KIF13A: variants seen among roughly 807,000 people sequenced by gnomAD.
KIF13A encodes kinesin family member 13A.
Under a neutral mutation model 212.2 loss-of-function variants are expected in KIF13A, and 79 were observed. The observed-to-expected ratio is 0.37, with a 90% confidence interval of 0.31 to 0.45. The LOEUF is 0.45. Ranked by LOEUF, KIF13A falls within the 20% of genes least tolerant of loss-of-function variation. The pLI is 1.00. For missense variants in KIF13A, 1,901 were observed against 2,209.0 expected (o/e 0.86, Z 2.79); for synonymous variants, 789 against 808.6 (o/e 0.98, Z 0.41).
chr6:17,962,523 A>G (rs1229468114), intron 2 of KIF13A, among the ~76,000 whole-genome samples: 1 of 151,914 alleles, frequency 6.6e-6, no homozygotes, highest in Non-Finnish European at 1.5e-5. Context: ...ACAGCCAGGA[A>G]GAGGCAGCAG....
chr6:17,943,601 A>G (rs897787100), intron 2 of KIF13A, among the ~76,000 whole-genome samples: 1 of 152,086 alleles, frequency 6.6e-6, no homozygotes, highest in African/African-American at 2.4e-5. Context: ...CATTTTTAAC[A>G]GGTTTCAAGA....
At position 17,871,126 on chromosome 6, in the gene KIF13A, C is replaced by CTA. The variant is rs1276325239; in HGVS notation, c.220+2249_220+2250dup. On this transcript the variant is annotated intron_variant, in intron 4 of 38. Coordinates refer to ENST00000259711, the MANE Select transcript of KIF13A (RefSeq NM_022113.6). The surrounding 1 kb of genome is among the most constrained non-coding windows in gnomAD (Gnocchi z 4.4). ...TTCTAGGCTTCCCTTTGACTAAACT[C>CTA]TAAACAACTCATATGTTGACAAGTA... is the stretch of plus-strand genomic sequence containing the variant. Among the ~76,000 whole-genome samples the CTA allele has an allele frequency of 1.1e-4, 16 of 152,264 alleles. No homozygotes were observed. In the East Asian group the frequency reaches 2.1e-3, roughly 20 times the overall value.
chr6:17,821,470 C>T (rs565443031), intron 16 of KIF13A, among the ~76,000 whole-genome samples: 2 of 151,728 alleles, frequency 1.3e-5, no homozygotes, highest in South Asian at 2.1e-4. Flanking sequence ...ACCAATAATA[C>T]TTTTCAGTGC....
At position 17,849,584 on chromosome 6, in the gene KIF13A, C is replaced by A; in HGVS notation, c.718-95G>T. The A allele has an allele frequency of 1.3e-6, 1 of 788,846 alleles. No individual in the cohort carries two copies. 48.9% of individuals were successfully genotyped at this position (788,846 alleles called of 1,614,324 possible). On this transcript the variant is annotated intron_variant, in intron 8 of 38. Transcript: ENST00000259711. The surrounding 1 kb of genome is among the most constrained non-coding windows in gnomAD (Gnocchi z 5.7). ...TTAGCACTATAATTGAGCAATCCAT[C>A]CCACTCTCATATGGCAAATTTCTTA...
chr6:17,894,990 C>G (rs2150477251), intron 3 of KIF13A, among the ~76,000 whole-genome samples: 1 of 152,272 alleles, frequency 6.6e-6, no homozygotes, highest in African/African-American at 2.4e-5. Flanking sequence ...ACTGGACCAG[C>G]TAGGCATTTG....
At position 17,775,018 on chromosome 6, in the gene KIF13A, G is replaced by C; in HGVS notation, c.4215C>G (p.Asp1405Glu). Residue 1405 changes from aspartate to glutamate, a missense_variant, in exon 35 of 39, where the codon GAC (aspartate) becomes GAG (glutamate). Asp to Glu is a conservative substitution (Grantham distance 45). Coordinates refer to ENST00000259711, the MANE Select transcript of KIF13A (RefSeq NM_022113.6). The part of the protein sequence containing the change: ...RPDLSGFDED[D>E]KGWPENQLDM... ...AGCCATGCCCATAGGTGCATACCTTGTCATCTTCATCAAAGCCAGAAAGGT... is the reference window on the plus strand; with the variant it reads ...AGCCATGCCCATAGGTGCATACCTTCTCATCTTCATCAAAGCCAGAAAGGT... The C allele has an allele frequency of 6.2e-7, 1 of 1,610,748 alleles. No individual in the cohort carries two copies. The highest frequency in any genetic ancestry group is 2.2e-5 in the East Asian group (1 of 44,810).
intron 3 of KIF13A, chr6:17,881,461 C>T (rs1225674724): frequency 2.3e-6 from 1 of 425,892 alleles, no homozygotes; most frequent in Non-Finnish European, 4.6e-6. Context: ...AAAAAAAAGG[C>T]CAGGCACAGT....
rs144151070 is a variant in KIF13A, at chr6:17,964,689, G to C, written c.146+22365C>G. ...AAGAATTTTTTTTTGAAATAACATA[G>C]ACAATTGGACAAAAATGATACTAGT... On this transcript the variant is annotated intron_variant, in intron 2 of 38. Coordinates refer to ENST00000259711, the MANE Select transcript of KIF13A (RefSeq NM_022113.6). 6.8e-3 allele frequency among the ~76,000 whole-genome samples: 1,040 copies of C among 152,162 alleles called. 9 individuals are homozygous for C. The highest frequency in any genetic ancestry group is 0.024 in the African/African-American group (982 of 41,518).
intron 4 of KIF13A, among the ~76,000 whole-genome samples, chr6:17,865,624 T>C (rs1769291229): frequency 6.6e-6 from 1 of 152,242 alleles, no homozygotes; most frequent in African/African-American, 2.4e-5. Flanking sequence ...TTCTCATATG[T>C]AGTGATTTCA....
rs1766044844 is a variant in KIF13A at position 17,837,196 on chromosome 6, C to T, written c.943-106G>A. 1.0e-6 allele frequency: 1 copy of T among 999,494 alleles called. No individual in the cohort carries two copies. The highest frequency in any genetic ancestry group is 1.5e-6 in the Non-Finnish European group (1 of 658,164). 61.9% of individuals were successfully genotyped at this position (999,494 alleles called of 1,614,324 possible). A position where few individuals can be genotyped will look rare whatever the true frequency, so the allele number is the denominator to read the frequency against. ...ATGACATTATTCTCTATGAAGGAAA[C>T]ATTATGTGGAAATGGACTTGCATTT... On this transcript the variant is annotated intron_variant, in intron 10 of 38. Coordinates refer to ENST00000259711, the MANE Select transcript of KIF13A (RefSeq NM_022113.6). The surrounding 1 kb of genome is among the most constrained non-coding windows in gnomAD (Gnocchi z 5.4).
At chr6:17,831,045 C>A in intron 13 of KIF13A, 56 bp downstream of exon 13, 1 of 1,522,250 alleles carries the variant, frequency 6.6e-7, no homozygotes, top group Admixed American at 2.0e-5. Context: ...CCAGATTCAA[C>A]TACGAACTGT....
Position 17,874,800 on chromosome 6 carries a change from C to T in KIF13A, c.160-1363G>A, listed in dbSNP as rs189770052. Among the ~76,000 whole-genome samples, 360 of 151,914 alleles carry T rather than the reference C, an allele frequency of 2.4e-3. 2 individuals are homozygous for T. The highest frequency in any genetic ancestry group is 8.0e-3 in the African/African-American group (330 of 41,444). On this transcript the variant is annotated intron_variant, in intron 3 of 38. Coordinates refer to ENST00000259711, the MANE Select transcript of KIF13A (RefSeq NM_022113.6). ...CTTCCCCTCAAATCCCCAAACTCCCCTGTATCATTCTTATGCCTTTCTGTC... is the reference window on the plus strand; with the variant it reads ...CTTCCCCTCAAATCCCCAAACTCCCTTGTATCATTCTTATGCCTTTCTGTC...
At chr6:17,906,602 C>A (rs1773525439) in intron 2 of KIF13A, among the ~76,000 whole-genome samples, 1 of 151,900 alleles carries the variant, frequency 6.6e-6, no homozygotes, top group South Asian at 2.1e-4. Context: ...GTGTGCACTA[C>A]CACACCCAGC....
At chr6:17,831,288 A>G in intron 12 of KIF13A, 53 bp from the exon 13 acceptor site, 1 of 1,580,944 alleles carries the variant, frequency 6.3e-7, no homozygotes, top group African/African-American at 1.4e-5. Flanking sequence ...TTCTATTCAC[A>G]AGATGTATCC....
In KIF13A at chr6:17,950,950, T is replaced by C. The variant is rs529511806; in HGVS notation, c.146+36104A>G. The C allele has an allele frequency of 1.1e-4, 103 of 973,358 alleles. No homozygotes were observed. The South Asian group carries it at 4.2e-3, about 40-fold the overall frequency. The allele number at this position is 973,358 out of a possible 1,614,324, so 60.3% of individuals were successfully genotyped here. ...CTAATTACTAAAGGACTTTTAAAAC[T>C]TTCTTAATTTTAAATTTCTTAAAAT... On this transcript the variant is annotated intron_variant, in intron 2 of 38. Coordinates refer to ENST00000259711, the MANE Select transcript of KIF13A (RefSeq NM_022113.6).
intron 28 of KIF13A, among the ~76,000 whole-genome samples, chr6:17,784,088 G>C (rs1477017861): frequency 6.6e-6 from 1 of 152,166 alleles, no homozygotes; most frequent in African/African-American, 2.4e-5. Context: ...AAAGGAGGGA[G>C]GGTTGTGTAC....
intron 9 of KIF13A, among the ~76,000 whole-genome samples, chr6:17,846,196 G>A (rs1767032289): frequency 6.6e-6 from 1 of 151,614 alleles, no homozygotes; most frequent in South Asian, 2.1e-4. Flanking sequence ...CTTCAAGCGA[G>A]CCACCTGCCT....
At chr6:17,974,663 A>C (rs536403322) in intron 2 of KIF13A, among the ~76,000 whole-genome samples, 2 of 58,484 alleles carry the variant, frequency 3.4e-5, no homozygotes, top group Admixed American at 2.1e-4. Context: ...AAGCTTTTTT[A>C]AAAAAAATCC....
rs986311375 is a variant in KIF13A at position 17,839,724 on chromosome 6, C to T, written c.831-2141G>A. Among the ~76,000 whole-genome samples the T allele has an allele frequency of 2.6e-5, 4 of 152,068 alleles. No individual in the cohort carries two copies. The highest frequency in any genetic ancestry group is 9.7e-5 in the African/African-American group (4 of 41,396). ...TCCTTATAAGAAGGTCATATAAAGACACCCAGGGGAGACGGCCACGTGAAG... is the reference window on the plus strand; with the variant it reads ...TCCTTATAAGAAGGTCATATAAAGATACCCAGGGGAGACGGCCACGTGAAG... On this transcript the variant is annotated intron_variant, in intron 9 of 38. Coordinates refer to ENST00000259711, the MANE Select transcript of KIF13A (RefSeq NM_022113.6). The surrounding 1 kb of genome is among the most constrained non-coding windows in gnomAD (Gnocchi z 4.3).
Sources: allele counts gnomAD v4.1 joint callset (sites outside exome capture counted in the v4.1 genomes callset), GRCh38; gene constraint gnomAD v4.1.1; non-coding constraint Gnocchi (gnomAD v3.1); transcripts MANE v1.5; gene names NCBI Gene and HGNC (gene_info 2026-07-23, HGNC 2026-07-21).